The following CRTAM variants were observed in gnomAD, a reference collection of about 807,000 sequenced individuals.
The protein encoded by CRTAM is cytotoxic and regulatory T cell molecule.
In CRTAM, 44 loss-of-function variants were observed where a neutral mutation model predicts 50.0. The ratio of observed to expected loss-of-function variants is 0.88; its 90% CI spans 0.69 to 1.13. The LOEUF (loss-of-function observed/expected upper bound fraction) is 1.13. Ranked by LOEUF, CRTAM falls within the 50% of genes most tolerant of loss-of-function variation. The pLI is 0.00. For missense variants in CRTAM, 448 were observed against 457.5 expected, an observed-to-expected ratio of 0.98 and a Z score of 0.19; for synonymous variants, 159 against 169.3, an observed-to-expected ratio of 0.94 and a Z score of 0.47.
At chr11:122,853,851 A>G (rs1210461226) in intron 3 of CRTAM, 92 bp from the exon 4 acceptor site, 5 of 1,249,720 alleles carry the variant, frequency 4.0e-6, no homozygotes, top group Non-Finnish European at 5.6e-6. Context: ...AGTATACCCT[A>G]TAACAATCAC....
Position 122,871,393 on chromosome 11 carries a change from T to G in CRTAM, c.1176T>G (p.Ile392Met). 6.2e-7 allele frequency: 1 copy of G among 1,612,792 alleles called. No individual in the cohort carries two copies. The highest frequency in any genetic ancestry group is 2.2e-5 in the East Asian group (1 of 44,802). ...AGCACATCCAAGTACCAGAGAGTAT[T>G]GTGTAGTGCTCTCTGCAATGGAACA... The part of the protein sequence containing the change: ...EEKHIQVPES[I>M]V The change falls in exon 10 of 10, where the codon ATT becomes ATG. Residue 392 changes from isoleucine to methionine, a missense_variant. Physicochemically the swap from Ile to Met is conservative, Grantham distance 10. Coordinates refer to ENST00000227348, the MANE Select transcript of CRTAM (RefSeq NM_019604.4).
intron 4 of CRTAM, 102 bp downstream of exon 4, chr11:122,854,188 A>G: frequency 2.7e-6 from 3 of 1,108,138 alleles, no homozygotes; most frequent in Non-Finnish European, 2.5e-6. Flanking sequence ...GCCAGAAGAC[A>G]TCATTTAATA....
intron 1 of CRTAM, among the ~76,000 whole-genome samples, chr11:122,848,358 G>T (rs957217079): frequency 1.3e-5 from 2 of 152,178 alleles, no homozygotes; most frequent in Non-Finnish European, 2.9e-5. Context: ...ATTATGGATT[G>T]ATGTCACAGA....
intron 4 of CRTAM, 152 bp from the exon 5 acceptor site, chr11:122,855,543 A>G: frequency 1.7e-6 from 1 of 577,410 alleles, no homozygotes; most frequent in Non-Finnish European, 3.0e-6. Context: ...TGCCTTTGTG[A>G]CCAGAACCAA....
intron 1 of CRTAM, among the ~76,000 whole-genome samples, chr11:122,839,260 T>C (rs1357749296): frequency 6.6e-6 from 1 of 152,216 alleles, no homozygotes; most frequent in Non-Finnish European, 1.5e-5. Flanking sequence ...ATTTCCTTGC[T>C]GTATAAATCT....
chr11:122,845,330 C>T (rs77485628), intron 1 of CRTAM, among the ~76,000 whole-genome samples: 17,365 of 152,038 alleles, frequency 0.11, 1,061 homozygotes, highest in Admixed American at 0.15. Flanking sequence ...GAGATTTCAA[C>T]GAGGTAGTGG....
At chr11:122,857,220 G>A (rs191775216) in intron 5 of CRTAM, among the ~76,000 whole-genome samples, 245 of 152,328 alleles carry the variant, frequency 1.6e-3, no homozygotes, top group African/African-American at 4.9e-3. Flanking sequence ...TGTAATCCCA[G>A]CACTTTGGGA....
rs1315938198 is a variant in CRTAM, at chr11:122,871,274, C to T, written c.1057C>T (p.His353Tyr). The T allele has an allele frequency of 6.2e-7, 1 of 1,608,538 alleles. No individual in the cohort carries two copies. Among genetic ancestry groups the T allele is most frequent in the African/African-American group, 1.3e-5 (1 of 74,720 alleles). Residue 353 changes from histidine to tyrosine, a missense_variant, in exon 10 of 10, where the codon CAC (histidine) becomes TAC (tyrosine). His to Tyr is a moderately conservative substitution (Grantham distance 83, BLOSUM62 2). Coordinates refer to ENST00000227348, the MANE Select transcript of CRTAM (RefSeq NM_019604.4). Reference protein sequence around the residue: ...SSEEKNGQSSHPMRCMNYITK... With the variant: ...SSEEKNGQSSYPMRCMNYITK... Reference sequence around the variant, plus strand: ...TCAACATGTTTTTCTTTCAGCTTCCCACCCTATGCGTTGCATGAACTACAT... The same window carrying T: ...TCAACATGTTTTTCTTTCAGCTTCCTACCCTATGCGTTGCATGAACTACAT...
At position 122,840,420 on chromosome 11, in the gene CRTAM, C is replaced by CGTGT. The variant is rs59792353; in HGVS notation, c.46+1845_46+1848dup. ...TTTATTTCATGAAACTTCTAATTAACGTGTGTGTGTGTGTGTGTGTACTAG... is the reference window on the plus strand; with the variant it reads ...TTTATTTCATGAAACTTCTAATTAACGTGTGTGTGTGTGTGTGTGTGTGTACTAG... On this transcript the variant is annotated intron_variant, in intron 1 of 9. Transcript: ENST00000227348. 2.5e-3 allele frequency among the ~76,000 whole-genome samples: 372 copies of CGTGT among 150,072 alleles called. 1 individual carries two copies. The highest frequency in any genetic ancestry group is 8.5e-3 in the African/African-American group (349 of 41,062).
intron 1 of CRTAM, among the ~76,000 whole-genome samples, chr11:122,846,058 T>C (rs1861859041): frequency 6.6e-6 from 1 of 152,080 alleles, no homozygotes; most frequent in Non-Finnish European, 1.5e-5. Context: ...AATCATCTTT[T>C]GAGAGATGGA....
intron 1 of CRTAM, among the ~76,000 whole-genome samples, chr11:122,846,232 T>C (rs938059635): frequency 3.3e-5 from 5 of 152,176 alleles, no homozygotes. Flanking sequence ...GAAACACATA[T>C]GCAAATAAGT....
chr11:122,865,381 C>T (rs1033583871), intron 7 of CRTAM, among the ~76,000 whole-genome samples: 1 of 151,558 alleles, frequency 6.6e-6, no homozygotes, highest in African/African-American at 2.4e-5. Flanking sequence ...CAAGATGGTT[C>T]CTGTTGCCAC....
At chr11:122,841,874 C>G (rs545254902) in intron 1 of CRTAM, among the ~76,000 whole-genome samples, 16 of 152,150 alleles carry the variant, frequency 1.1e-4, no homozygotes, top group Non-Finnish European at 2.4e-4. Flanking sequence ...AAGTATATCT[C>G]AAGACTTTGG....
chr11:122,869,258 C>T (rs1044276909), intron 9 of CRTAM, among the ~76,000 whole-genome samples: 5 of 152,280 alleles, frequency 3.3e-5, no homozygotes, highest in African/African-American at 4.8e-5. Flanking sequence ...CATAGAAGCA[C>T]GTCTTCCTCC....
At chr11:122,859,055 C>G (rs571665790) in intron 5 of CRTAM, among the ~76,000 whole-genome samples, 186 of 152,186 alleles carry the variant, frequency 1.2e-3, no homozygotes, top group African/African-American at 4.1e-3. Flanking sequence ...AAATATGTAT[C>G]TGTCAATTTA....
At chr11:122,846,200 T>C (rs191898028) in intron 1 of CRTAM, among the ~76,000 whole-genome samples, 199 of 152,282 alleles carry the variant, frequency 1.3e-3, no homozygotes, top group African/African-American at 4.6e-3. Context: ...AGCAAGTAGA[T>C]GTGACTTGGG....
intron 1 of CRTAM, among the ~76,000 whole-genome samples, chr11:122,844,246 T>C (rs1465800713): frequency 2.0e-5 from 3 of 152,330 alleles, no homozygotes; most frequent in Non-Finnish European, 1.5e-5. Flanking sequence ...TTATACTATT[T>C]AATTCATAAG....
At chr11:122,853,876 C>A in intron 3 of CRTAM, 67 bp from the exon 4 acceptor site, 3 of 1,438,474 alleles carry the variant, frequency 2.1e-6, no homozygotes, top group Admixed American at 3.8e-5. Context: ...AGATTATTAG[C>A]CTCTGTGCTT....
chr11:122,847,427 C>T (rs1355040928), intron 1 of CRTAM, among the ~76,000 whole-genome samples: 1 of 152,196 alleles, frequency 6.6e-6, no homozygotes, highest in African/African-American at 2.4e-5. Context: ...TCCAAACTTA[C>T]CAGATAAGAC....
Sources: gnomAD v4.1 joint callset for allele counts (sites outside exome capture counted in the v4.1 genomes callset) on GRCh38, gnomAD v4.1.1 for gene constraint, MANE v1.5 for transcripts, NCBI Gene and HGNC (gene_info 2026-07-23, HGNC 2026-07-21) for gene names.